R3HDM1: variants seen among roughly 807,000 people sequenced by gnomAD.
R3HDM1 encodes the protein R3H domain containing 1, also known as R3H domain-containing protein 1.
R3HDM1 carries 46 observed loss-of-function variants against 141.1 expected under a neutral mutation model. The ratio of observed to expected loss-of-function variants is 0.33; its 90% CI spans 0.26 to 0.42. R3HDM1 has a LOEUF of 0.42. Ranked by LOEUF, R3HDM1 falls within the 10% of genes least tolerant of loss-of-function variation. R3HDM1 has a pLI of 1.00. For missense variants in R3HDM1, 1,184 were observed against 1,368.3 expected (o/e 0.87, Z 2.12); for synonymous variants, 435 against 472.9 (o/e 0.92, Z 1.04).
At chr2:135,536,706 G>A (rs1211773053) in intron 1 of R3HDM1, 2 of 981,312 alleles carry the variant, frequency 2.0e-6, no homozygotes, top group South Asian at 4.7e-5. Context: ...TGGGTTAGTT[G>A]TACAATTAAC....
rs961360 is a variant in R3HDM1 at position 135,636,088 on chromosome 2, A to G, written c.808A>G (p.Met270Val). The G allele has an allele frequency of 0.17, 279,807 of 1,612,386 alleles. 32,766 individuals are homozygous for G. The highest frequency in any genetic ancestry group is 0.47 in the East Asian group (20,875 of 44,708). ...CTAAAAATTATCCTCTTTTCTGTAG[A>G]TGAGAATACGTTTGAAAGATGACAG... is the stretch of plus-strand genomic sequence containing the variant. ...NSSFDKDDNQ[M>V]RIRLKDDRRS... The change falls in exon 11 of 27, where the codon ATG (methionine) becomes GTG (valine). Residue 270 changes from methionine (M) to valine (V), a missense_variant and splice_region_variant. Physicochemically the swap from Met to Val is conservative, Grantham distance 21 (BLOSUM62 1). This residue lies in a region of R3HDM1 where 240 missense variants were observed against 312.3 expected (regional missense o/e 0.77). Transcript: ENST00000683871.
In R3HDM1 at chr2:135,709,471, A is replaced by C. The variant is rs2075374252; in HGVS notation, c.2498A>C (p.Gln833Pro). 6.2e-7 allele frequency: 1 copy of C among 1,614,174 alleles called. No individual in the cohort carries two copies. The highest frequency in any genetic ancestry group is 8.5e-7 in the Non-Finnish European group (1 of 1,180,026). ...TACCTGCAACATCCAGGATCAGAAC[A>C]AGTACAATTTCCTCGAACCACTTCA... Reference protein sequence around the residue: ...VGYLQHPGSEQVQFPRTTSPC... With the variant: ...VGYLQHPGSEPVQFPRTTSPC... Residue 833 changes from glutamine (Q) to proline (P), a missense_variant, in exon 22 of 27, where the codon CAA becomes CCA. Around this residue, in one of 5 missense-constraint regions of R3HDM1, gnomAD observed 563 missense variants for 562.0 expected, o/e 1.00. Coordinates refer to ENST00000683871, the MANE Select transcript of R3HDM1 (RefSeq NM_001378107.1).
chr2:135,680,695 G>T (rs111970031), intron 21 of R3HDM1, among the ~76,000 whole-genome samples: 10 of 152,142 alleles, frequency 6.6e-5, no homozygotes, highest in African/African-American at 2.4e-4. Flanking sequence ...TTTTGAACCC[G>T]GGAGGCAGAG....
chr2:135,631,069 G>A (rs114440385), intron 7 of R3HDM1, among the ~76,000 whole-genome samples: 7,291 of 152,136 alleles, frequency 0.048, 278 homozygotes, highest in South Asian at 0.11. Flanking sequence ...GCAGTTTATA[G>A]AATGGGTTGA....
At chr2:135,675,708 CATTT>C (rs1459601486) in intron 20 of R3HDM1, among the ~76,000 whole-genome samples, 1 of 152,096 alleles carries the variant, frequency 6.6e-6, no homozygotes, top group African/African-American at 2.4e-5. Context: ...TTGCATTATT[CATTT>C]ATTAATGTTT....
intron 21 of R3HDM1, among the ~76,000 whole-genome samples, chr2:135,698,072 G>A (rs907236323): frequency 1.1e-4 from 15 of 140,578 alleles, no homozygotes; most frequent in Admixed American, 2.9e-4. Flanking sequence ...AAAAAAAAAA[G>A]TAAGTGCTCT....
chr2:135,710,364 C>T (rs902773217), intron 23 of R3HDM1, 133 bp downstream of exon 23: 9 of 880,850 alleles, frequency 1.0e-5, no homozygotes, highest in Non-Finnish European at 1.3e-5. Context: ...GTGGCTCTCC[C>T]CTGTAATCCC....
chr2:135,702,415 C>T (rs1575127581), intron 21 of R3HDM1, among the ~76,000 whole-genome samples: 1 of 151,836 alleles, frequency 6.6e-6, no homozygotes, highest in Non-Finnish European at 1.5e-5. Context: ...AATCCCAGCA[C>T]TTTGGAAGGC....
intron 1 of R3HDM1, among the ~76,000 whole-genome samples, chr2:135,534,819 A>G (rs1695696439): frequency 6.6e-6 from 1 of 152,244 alleles, no homozygotes; most frequent in South Asian, 2.1e-4. Flanking sequence ...TGCAAGTAAT[A>G]GGGTTTTTTT....
intron 24 of R3HDM1, among the ~76,000 whole-genome samples, chr2:135,717,744 G>A (rs1370585174): frequency 2.0e-5 from 3 of 152,188 alleles, no homozygotes; most frequent in East Asian, 3.8e-4. Flanking sequence ...CACATTGGCG[G>A]TAAGAGTGTA....
intron 1 of R3HDM1, chr2:135,590,823 C>G: frequency 1.4e-6 from 1 of 707,698 alleles, no homozygotes; most frequent in Non-Finnish European, 1.7e-6. Flanking sequence ...AGCACCTGTT[C>G]TGCCTCAAGC....
intron 3 of R3HDM1, among the ~76,000 whole-genome samples, chr2:135,614,414 G>A (rs956909898): frequency 1.3e-5 from 2 of 152,004 alleles, no homozygotes; most frequent in African/African-American, 2.4e-5. Flanking sequence ...TTTAATAATC[G>A]ATTACATTTA....
At chr2:135,670,289 A>ATT in intron 19 of R3HDM1, 1 of 985,014 alleles carries the variant, frequency 1.0e-6, no homozygotes, top group Non-Finnish European at 1.2e-6. Flanking sequence ...TTGGGGCCAA[A>ATT]TTCTAGAGCA....
At chr2:135,544,911 G>A (rs1267164837) in intron 1 of R3HDM1, among the ~76,000 whole-genome samples, 1 of 152,222 alleles carries the variant, frequency 6.6e-6, no homozygotes, top group African/African-American at 2.4e-5. Flanking sequence ...ATTGCAGTGA[G>A]CTGAGATCGT....
At chr2:135,590,972 TGTA>T (rs1709134359) in intron 1 of R3HDM1, among the ~76,000 whole-genome samples, 1 of 152,120 alleles carries the variant, frequency 6.6e-6, no homozygotes, top group Non-Finnish European at 1.5e-5. Flanking sequence ...TAGAAAAAAA[TGTA>T]GTTGGCAATT....
chr2:135,552,297 G>A (rs1365436588), intron 1 of R3HDM1, among the ~76,000 whole-genome samples: 9 of 151,996 alleles, frequency 5.9e-5, no homozygotes, highest in Non-Finnish European at 1.5e-5. Flanking sequence ...CCGAGTTCAA[G>A]CAATTCTCCC....
intron 21 of R3HDM1, among the ~76,000 whole-genome samples, chr2:135,695,489 G>A (rs1032083246): frequency 3.9e-5 from 6 of 152,176 alleles, no homozygotes; most frequent in African/African-American, 1.2e-4. Context: ...AGTGATGGTT[G>A]AAGTTTTTCA....
intron 21 of R3HDM1, among the ~76,000 whole-genome samples, chr2:135,682,453 G>A (rs555223808): frequency 6.6e-6 from 1 of 152,166 alleles, no homozygotes; most frequent in Non-Finnish European, 1.5e-5. Flanking sequence ...GTGGATACAG[G>A]TGAGAGAGCA....
rs867323256 is a variant in R3HDM1 at position 135,559,049 on chromosome 2, A to G, written c.-250+27416A>G. On this transcript the variant is annotated intron_variant, in intron 1 of 26. Coordinates refer to ENST00000683871, the MANE Select transcript of R3HDM1 (RefSeq NM_001378107.1). Reference sequence around the variant, plus strand: ...TATCAGTGGTATTTATGATTCCACAAAGTGTGTGTGTGTGTGTGTGTGTGT... The same window carrying G: ...TATCAGTGGTATTTATGATTCCACAGAGTGTGTGTGTGTGTGTGTGTGTGT... The G allele has an allele frequency of 2.7e-5, 23 of 850,814 alleles. No homozygotes were observed. The African/African-American group carries it at 5.8e-4, about 21-fold the overall frequency. 52.7% of individuals were successfully genotyped at this position (850,814 alleles called of 1,614,324 possible).
Sources: allele counts gnomAD v4.1 joint callset (sites outside exome capture counted in the v4.1 genomes callset), GRCh38; gene constraint gnomAD v4.1.1; regional missense constraint gnomAD v4.1.1; transcripts MANE v1.5; gene names NCBI Gene and HGNC (gene_info 2026-07-23, HGNC 2026-07-21).